NDRG3: variants seen among roughly 807,000 people sequenced by gnomAD.
The protein encoded by NDRG3 is NDRG family member 3.
A neutral mutation model predicts 57.2 loss-of-function variants in NDRG3; 23 were observed. The observed-to-expected ratio is 0.40, with a 90% CI of 0.29 to 0.57. The LOEUF is 0.57. Among genes scored for constraint, NDRG3 ranks in the 20% least tolerant of loss-of-function variants. The pLI is 0.42. For missense variants in NDRG3, 384 were observed against 457.3 expected (o/e 0.84, Z 1.46); for synonymous variants, 132 against 162.6 (o/e 0.81, Z 1.43).
chr20:36,689,931 A>T (rs553368199), intron 3 of NDRG3, among the ~76,000 whole-genome samples: 5 of 152,060 alleles, frequency 3.3e-5, no homozygotes, highest in Non-Finnish European at 7.4e-5. Context: ...TGTGTTAGCC[A>T]GGATGGTCTC....
intron 1 of NDRG3, among the ~76,000 whole-genome samples, chr20:36,723,429 C>T (rs1002568238): frequency 9.9e-5 from 15 of 152,062 alleles, no homozygotes; most frequent in African/African-American, 3.6e-4. Context: ...GGCCCTAAAC[C>T]TATCAAGTCA....
intron 2 of NDRG3, among the ~76,000 whole-genome samples, chr20:36,714,446 T>C (rs533543754): frequency 4.2e-4 from 62 of 148,682 alleles, no homozygotes; most frequent in East Asian, 4.2e-3. Flanking sequence ...TTTTCTTCTT[T>C]TTTTTTTTTT....
chr20:36,661,470 G>T (rs1369041380), intron 12 of NDRG3, among the ~76,000 whole-genome samples: 1 of 152,224 alleles, frequency 6.6e-6, no homozygotes, highest in African/African-American at 2.4e-5. Context: ...GGTGAAACAT[G>T]TAATACAAAG....
At chr20:36,742,513 A>C (rs1286819619) in intron 1 of NDRG3, among the ~76,000 whole-genome samples, 1 of 152,168 alleles carries the variant, frequency 6.6e-6, no homozygotes, top group Non-Finnish European at 1.5e-5. Context: ...ATGGATATTT[A>C]CCAGGTTTCA....
chr20:36,717,073 C>T (rs1405803541), intron 2 of NDRG3, among the ~76,000 whole-genome samples: 1 of 152,180 alleles, frequency 6.6e-6, no homozygotes, highest in Non-Finnish European at 1.5e-5. Context: ...TTTTAAAAAT[C>T]ATTTCATATG....
At position 36,682,604 on chromosome 20, in the gene NDRG3, GAC is replaced by G. The variant is rs1981403165; in HGVS notation, c.384-28_384-27del. ...CTGTGAATGGGACATAACGACAACT[GAC>G]AGAGTCAACTTCATTTGCAGGCAGC... is the stretch of plus-strand genomic sequence containing the variant. On this transcript the variant is annotated intron_variant, in intron 6 of 15. Transcript: ENST00000349004. 2.5e-6 allele frequency: 4 copies of G among 1,603,802 alleles called. No homozygotes were observed. In the African/African-American group the frequency reaches 5.4e-5, roughly 21 times the overall value.
chr20:36,741,316 C>T (rs1055460423), intron 1 of NDRG3, among the ~76,000 whole-genome samples: 2 of 152,158 alleles, frequency 1.3e-5, no homozygotes, highest in Non-Finnish European at 2.9e-5. Context: ...TCTCAATCAC[C>T]ATCACCAGCC....
intron 3 of NDRG3, among the ~76,000 whole-genome samples, chr20:36,706,338 G>A (rs1255221076): frequency 3.3e-5 from 5 of 152,046 alleles, no homozygotes; most frequent in Non-Finnish European, 5.9e-5. Flanking sequence ...TCTTCTCTGC[G>A]GTAAGGTAGC....
chr20:36,724,532 T>C (rs967660601), intron 1 of NDRG3, among the ~76,000 whole-genome samples: 1 of 152,206 alleles, frequency 6.6e-6, no homozygotes, highest in Non-Finnish European at 1.5e-5. Flanking sequence ...AATATTGGCC[T>C]AACTGGAATC....
intron 3 of NDRG3, among the ~76,000 whole-genome samples, chr20:36,702,966 G>A (rs1402715945): frequency 6.6e-6 from 1 of 151,852 alleles, no homozygotes; most frequent in Admixed American, 6.6e-5. Flanking sequence ...TTACAGTTGT[G>A]AGCCACCAGA....
chr20:36,655,388 G>GA (rs1476262588), intron 15 of NDRG3, among the ~76,000 whole-genome samples: 3 of 152,254 alleles, frequency 2.0e-5, no homozygotes, highest in African/African-American at 4.8e-5. Context: ...GTACCTGGGT[G>GA]AAAGAGTTTT....
At chr20:36,744,863 GCT>G (rs1334168831) in intron 1 of NDRG3, among the ~76,000 whole-genome samples, 1 of 151,164 alleles carries the variant, frequency 6.6e-6, no homozygotes, top group Non-Finnish European at 1.5e-5. Context: ...AGCCAAATCT[GCT>G]CTGTCACCTC....
chr20:36,701,644 T>C (rs1012097604), intron 3 of NDRG3, among the ~76,000 whole-genome samples: 1 of 148,472 alleles, frequency 6.7e-6, no homozygotes, highest in Non-Finnish European at 1.5e-5. Context: ...GCCTCCTGGG[T>C]TCAAGCAATT....
At chr20:36,700,582 C>T (rs999334946) in intron 3 of NDRG3, 5 of 469,130 alleles carry the variant, frequency 1.1e-5, no homozygotes, top group Non-Finnish European at 2.1e-5. Flanking sequence ...GCTGTTGCTA[C>T]CTTTTTGTCT....
intron 3 of NDRG3, among the ~76,000 whole-genome samples, chr20:36,704,325 T>G (rs1215428087): frequency 1.3e-5 from 2 of 152,184 alleles, no homozygotes; most frequent in Non-Finnish European, 2.9e-5. Flanking sequence ...ACTCCTGACC[T>G]CAGCCTCCCA....
intron 1 of NDRG3, among the ~76,000 whole-genome samples, chr20:36,743,421 G>A (rs1198109531): frequency 1.3e-5 from 2 of 152,178 alleles, no homozygotes; most frequent in Non-Finnish European, 2.9e-5. Context: ...TTGAACCCAG[G>A]ATGCGGAGGT....
intron 3 of NDRG3, among the ~76,000 whole-genome samples, chr20:36,698,269 G>C (rs1414619973): frequency 6.6e-6 from 1 of 151,722 alleles, no homozygotes; most frequent in African/African-American, 2.4e-5. Context: ...GCCCCGCTGT[G>C]GGTTTTTTCA....
Position 36,666,358 on chromosome 20 carries a change from G to T in NDRG3, c.623C>A (p.Thr208Asn). The T allele has an allele frequency of 6.2e-7, 1 of 1,614,094 alleles. No individual in the cohort carries two copies. Residue 208 changes from threonine to asparagine, a missense_variant, in exon 10 of 16, where the codon ACC (threonine) becomes AAC (asparagine). Transcript: ENST00000349004. Reference protein sequence around the residue: ...ELQANLDLIQTYRMHIAQDIN... With the variant: ...ELQANLDLIQNYRMHIAQDIN... ...GTCTTGGGCAATATGCATTCTGTAG[G>T]TTTGGATCAGGTCCAGGTTGGCCTG...
chr20:36,682,612 CA>C, intron 6 of NDRG3, 34 bp from the exon 7 acceptor site: 2 of 1,585,632 alleles, frequency 1.3e-6, no homozygotes, highest in Non-Finnish European at 1.7e-6. Context: ...CTGACAGAGT[CA>C]ACTTCATTTG....
Sources: allele counts gnomAD v4.1 joint callset (sites outside exome capture counted in the v4.1 genomes callset), GRCh38; gene constraint gnomAD v4.1.1; transcripts MANE v1.5; gene names NCBI Gene and HGNC (gene_info 2026-07-23, HGNC 2026-07-21).